DNAH11: variants seen among roughly 807,000 people sequenced by gnomAD.
The protein encoded by DNAH11 is dynein axonemal heavy chain 11.
A neutral mutation model predicts 526.0 loss-of-function variants in DNAH11; 442 were observed. The observed-to-expected ratio is 0.84, with a 90% confidence interval of 0.78 to 0.91. The LOEUF (loss-of-function observed/expected upper bound fraction) is 0.91. Among genes scored for constraint, DNAH11 ranks in the 40% least tolerant of loss-of-function variants. DNAH11 has a pLI of 0.00. For missense variants in DNAH11, 6,989 were observed against 5,448.7 expected, an observed-to-expected ratio of 1.28 and a Z score of -8.90; for synonymous variants, 2,461 against 1,935.9, an observed-to-expected ratio of 1.27 and a Z score of -7.12.
At position 21,739,636 on chromosome 7, in the gene DNAH11, C is replaced by A; in HGVS notation, c.7877C>A (p.Pro2626Gln). ...HNCQYVACMN[P>Q]MVGSFTINPR... ...TGCCAGTATGTCGCCTGCATGAATC[C>A]GATGGTGGGCAGCTTCACCATCAAT... The change falls in exon 48 of 82, where the codon CCG becomes CAG. Residue 2626 changes from proline (P) to glutamine (Q), a missense_variant. Pro to Gln is a moderately conservative substitution (Grantham distance 76). Transcript: ENST00000409508. 6.2e-7 allele frequency: 1 copy of A among 1,612,442 alleles called. No individual in the cohort carries two copies. Among genetic ancestry groups the A allele is most frequent in the Admixed American group, 1.7e-5 (1 of 59,890 alleles).
intron 65 of DNAH11, among the ~76,000 whole-genome samples, chr7:21,823,655 C>T (rs979970888): frequency 1.3e-5 from 2 of 151,900 alleles, no homozygotes; most frequent in Non-Finnish European, 2.9e-5. Flanking sequence ...GCATAAGAAT[C>T]ATATACTATA....
intron 70 of DNAH11, among the ~76,000 whole-genome samples, chr7:21,865,940 A>T (rs1783256337): frequency 6.6e-6 from 1 of 152,202 alleles, no homozygotes; most frequent in African/African-American, 2.4e-5. Flanking sequence ...ACTGTATGGC[A>T]CTGGTGCAGT....
At chr7:21,735,933 C>T in intron 46 of DNAH11, 89 bp downstream of exon 46, 1 of 1,232,004 alleles carries the variant, frequency 8.1e-7, no homozygotes, top group East Asian at 2.4e-5. Context: ...AATGCCTTTC[C>T]CTAGAATTTA....
At chr7:21,777,583 G>A (rs1245596056) in intron 56 of DNAH11, among the ~76,000 whole-genome samples, 2 of 152,114 alleles carry the variant, frequency 1.3e-5, no homozygotes, top group Non-Finnish European at 2.9e-5. Context: ...TAATTTGGTG[G>A]CATCTCTAAT....
chr7:21,662,903 T>C (rs1782290577), intron 30 of DNAH11, among the ~76,000 whole-genome samples: 2 of 152,170 alleles, frequency 1.3e-5, no homozygotes, highest in South Asian at 4.1e-4. Flanking sequence ...TAATGGTGAA[T>C]TCAGTGCTTT....
intron 54 of DNAH11, among the ~76,000 whole-genome samples, chr7:21,755,500 T>A (rs10156149): frequency 0.055 from 8,434 of 152,234 alleles, 385 homozygotes; most frequent in East Asian, 0.28. Context: ...CTCATTATCT[T>A]TCTAAGTATA....
At chr7:21,675,269 C>T (rs900232633) in intron 30 of DNAH11, among the ~76,000 whole-genome samples, 2 of 152,178 alleles carry the variant, frequency 1.3e-5, no homozygotes, top group Non-Finnish European at 2.9e-5. Context: ...CCTTCCTATG[C>T]CGCCCACTCC....
At chr7:21,890,617 G>T (rs1168586032) in intron 76 of DNAH11, among the ~76,000 whole-genome samples, 2 of 152,004 alleles carry the variant, frequency 1.3e-5, no homozygotes, top group Non-Finnish European at 1.5e-5. Flanking sequence ...CTAGGTTTTG[G>T]TTTTCTTATT....
chr7:21,792,716 A>G (rs1788528445), intron 61 of DNAH11, among the ~76,000 whole-genome samples: 1 of 151,778 alleles, frequency 6.6e-6, no homozygotes, highest in Non-Finnish European at 1.5e-5. Flanking sequence ...GATCCTTCAT[A>G]TTTCTGTGGT....
At position 21,690,809 on chromosome 7, in the gene DNAH11, G is replaced by C. The variant is rs771374714; in HGVS notation, c.5969G>C (p.Gly1990Ala). ...GCTATCACACTGAAGCCATCAGTTG[G>C]AATATTTATTACTATGAACCCGGGT... The part of the protein sequence containing the change: ...GEAITLKPSV[G>A]IFITMNPGYA... The change falls in exon 35 of 82, where the codon GGA becomes GCA. Residue 1990 changes from glycine (G) to alanine (A), a missense_variant. Transcript: ENST00000409508. 3 of 1,610,956 alleles carry C rather than the reference G, an allele frequency of 1.9e-6. No individual in the cohort carries two copies. In the South Asian group the frequency reaches 3.3e-5, roughly 18 times the overall value.
chr7:21,544,439 T>G (rs538895361), intron 1 of DNAH11, among the ~76,000 whole-genome samples: 1 of 152,054 alleles, frequency 6.6e-6, no homozygotes, highest in African/African-American at 2.4e-5. Flanking sequence ...ATTGTAACTT[T>G]AAAAAAAATA....
chr7:21,833,778 G>C lies in DNAH11; in HGVS notation c.10692-8766G>C, dbSNP rs562426510. Among the ~76,000 whole-genome samples, 9 of 152,226 alleles carry C rather than the reference G, an allele frequency of 5.9e-5. No individual in the cohort carries two copies. The South Asian group carries it at 1.7e-3, about 28-fold the overall frequency. ...GTGTATTTAAAATATAAGTTTTATT[G>C]TAGAGATGCAAATGAGTATAAATGT... is the stretch of plus-strand genomic sequence containing the variant. On this transcript the variant is annotated intron_variant, in intron 65 of 81. Transcript: ENST00000409508.
rs369842966 is a variant in DNAH11, at chr7:21,702,669, C to G, written c.6181-41C>G. ...ACCTCTGGAATGAGAATCTTCTTCC[C>G]TCATACAATTTTTGAGAAAATAAAC... is the stretch of plus-strand genomic sequence containing the variant. On this transcript the variant is annotated intron_variant, in intron 36 of 81. Coordinates refer to ENST00000409508, the MANE Select transcript of DNAH11 (RefSeq NM_001277115.2). 13 of 1,557,870 alleles carry G rather than the reference C, an allele frequency of 8.3e-6. No homozygotes were observed. In the African/African-American group the frequency reaches 1.5e-4, roughly 18 times the overall value.
chr7:21,684,136 A>G (rs886796512), intron 32 of DNAH11, among the ~76,000 whole-genome samples, 192 bp downstream of exon 32: 2 of 152,246 alleles, frequency 1.3e-5, no homozygotes, highest in Non-Finnish European at 1.5e-5. Context: ...GAGTGGATTA[A>G]TATGGCTCAA....
rs72657355 is a variant in DNAH11 at position 21,725,776 on chromosome 7, G to C, written c.7267-35G>C. The C allele has an allele frequency of 2.1e-3, 3,375 of 1,572,878 alleles. 130 individuals carry two copies. The Admixed American group carries it at 0.059, about 28-fold the overall frequency. On this transcript the variant is annotated intron_variant, in intron 44 of 81. Transcript: ENST00000409508. ...CTTTTTTTACAGTTTTAATTACTTT[G>C]AGTCTGCAATAAGGATTTCTTTTGT...
chr7:21,725,599 G>A lies in DNAH11; in HGVS notation c.7267-212G>A, dbSNP rs6969621. ...CCTAGCATAGGAATTTGCATAATAC[G>A]TTGTCATTAGATTGAATAACGAACA... On this transcript the variant is annotated intron_variant, in intron 44 of 81. Transcript: ENST00000409508. Among the ~76,000 whole-genome samples the A allele has an allele frequency of 0.014, 2,152 of 152,188 alleles. 24 individuals carry two copies. The highest frequency in any genetic ancestry group is 0.031 in the Middle Eastern group (9 of 290).
intron 45 of DNAH11, among the ~76,000 whole-genome samples, chr7:21,728,564 A>G (rs1054989997): frequency 2.6e-5 from 4 of 151,976 alleles, no homozygotes; most frequent in African/African-American, 7.2e-5. Flanking sequence ...CGGCCTACCA[A>G]CAGCCCAAAA....
Position 21,704,526 on chromosome 7 carries a change from A to C in DNAH11, c.6366A>C (p.Pro2122=). The C allele has an allele frequency of 6.2e-7, 1 of 1,613,846 alleles. No homozygotes were observed. Among genetic ancestry groups the C allele is most frequent in the Non-Finnish European group, 8.5e-7 (1 of 1,179,850 alleles). ...TGGGCCTGGTCGGTGACCTGTTTCC[A>C]GCCCTGGATGTGCCCCGGAGGAGGA... ...VFLGLVGDLF[P]ALDVPRRRKL... The change falls in exon 38 of 82, where the codon CCA becomes CCC. Residue 2122 remains proline, a synonymous_variant. Transcript: ENST00000409508.
rs200256329 is a variant in DNAH11, at chr7:21,786,653, C to A, written c.9627C>A (p.Pro3209=). The change falls in exon 59 of 82, where the codon CCC becomes CCA. Residue 3209 remains proline (P), a synonymous_variant. Transcript: ENST00000409508. The part of the protein sequence containing the change: ...RVNLSELKAF[P]NPPIAVTNVT... ...ACCTCAGTGAGCTGAAAGCCTTTCC[C>A]AACCCTCCCATCGCAGTTACCAATG... is the stretch of plus-strand genomic sequence containing the variant. 1.9e-6 allele frequency: 3 copies of A among 1,613,114 alleles called. No homozygotes were observed. The East Asian group carries it at 6.7e-5, about 36-fold the overall frequency.
Sources: gnomAD v4.1 joint callset for allele counts (sites outside exome capture counted in the v4.1 genomes callset) on GRCh38, gnomAD v4.1.1 for gene constraint, MANE v1.5 for transcripts, NCBI Gene and HGNC (gene_info 2026-07-23, HGNC 2026-07-21) for gene names.